Variants in TNRC6B observed in about 807,000 individuals in gnomAD.
The protein encoded by TNRC6B is trinucleotide repeat containing adaptor 6B, also known as trinucleotide repeat-containing gene 6B protein.
Under a neutral mutation model 203.6 loss-of-function variants are expected in TNRC6B, and 52 were observed. The ratio of observed to expected loss-of-function variants is 0.26; its 90% CI spans 0.20 to 0.32. The LOEUF is 0.32. Ranked by LOEUF, TNRC6B falls within the 10% of genes least tolerant of loss-of-function variation. The probability of loss-of-function intolerance (pLI) is 1.00; values close to 1 mark genes in which losing one functional copy is unlikely to be tolerated. For missense variants in TNRC6B, 1,923 were observed against 2,286.2 expected, an observed-to-expected ratio of 0.84 and a Z score of 3.24; for synonymous variants, 838 against 845.7, an observed-to-expected ratio of 0.99 and a Z score of 0.16.
At chr22:40,183,686 T>C (rs558205806) in intron 1 of TNRC6B, among the ~76,000 whole-genome samples, 1 of 152,112 alleles carries the variant, frequency 6.6e-6, no homozygotes, top group Non-Finnish European at 1.5e-5. Flanking sequence ...GACTAAATTA[T>C]TACTAGGTTG....
chr22:40,161,934 A>G (rs1426658170), intron 4 of TNRC6B, among the ~76,000 whole-genome samples: 3 of 152,210 alleles, frequency 2.0e-5, no homozygotes, highest in Non-Finnish European at 4.4e-5. Context: ...GCTTTTAAAA[A>G]AGCAGCTAAG....
chr22:40,316,203 A>C (rs1219880379), intron 21 of TNRC6B, among the ~76,000 whole-genome samples, 191 bp downstream of exon 21: 1 of 151,964 alleles, frequency 6.6e-6, no homozygotes, highest in Non-Finnish European at 1.5e-5. Context: ...AAATACAAAA[A>C]ATTAGCTGAG....
At chr22:40,303,603 G>C (rs1042934479) in intron 15 of TNRC6B, among the ~76,000 whole-genome samples, 3 of 151,990 alleles carry the variant, frequency 2.0e-5, no homozygotes, top group African/African-American at 7.3e-5. Flanking sequence ...GATGTGTTTT[G>C]TCATTTATTT....
At chr22:40,307,593 C>CGA (rs1569063659) in intron 15 of TNRC6B, among the ~76,000 whole-genome samples, 2 of 151,998 alleles carry the variant, frequency 1.3e-5, no homozygotes, top group Non-Finnish European at 2.9e-5. Context: ...GTGTGGCTTC[C>CGA]AGCTCTCCAG....
rs114008513 is a variant in TNRC6B, at chr22:40,268,046, G to A, written c.2806+1010G>A. ...GCATATAGTTCAACAAATTAAGGGGGATGCACCTTTCAGTCTTTTTTTAGT... is the reference window on the plus strand; with the variant it reads ...GCATATAGTTCAACAAATTAAGGGGAATGCACCTTTCAGTCTTTTTTTAGT... On this transcript the variant is annotated intron_variant, in intron 5 of 22. Coordinates refer to ENST00000454349, the MANE Select transcript of TNRC6B (RefSeq NM_001162501.2). 3.1e-3 allele frequency among the ~76,000 whole-genome samples: 469 copies of A among 152,238 alleles called. 2 individuals are homozygous for A. The highest frequency in any genetic ancestry group is 0.011 in the African/African-American group (453 of 41,528).
At chr22:40,295,474 CAAAAAAAA>C (rs5845457) in intron 12 of TNRC6B, among the ~76,000 whole-genome samples, 13 of 98,986 alleles carry the variant, frequency 1.3e-4, no homozygotes, top group East Asian at 2.6e-4. Context: ...ACTCCATTTC[CAAAAAAAA>C]AAAAAAAAAG....
rs183603757 is a variant in TNRC6B, at chr22:40,317,983, G to T, written c.4974+1971G>T. On this transcript the variant is annotated intron_variant, in intron 21 of 22. Transcript: ENST00000454349. Reference sequence around the variant, plus strand: ...GTCATGAGATATGATTAGGTCTCTGGCCTAATATGTTTGACATGTATACTT... The same window carrying T: ...GTCATGAGATATGATTAGGTCTCTGTCCTAATATGTTTGACATGTATACTT... Among the ~76,000 whole-genome samples the T allele has an allele frequency of 5.9e-5, 9 of 152,216 alleles. No individual in the cohort carries two copies. In the East Asian group the frequency reaches 1.7e-3, roughly 29 times the overall value.
chr22:40,103,934 C>T (rs182266790), intron 1 of TNRC6B, among the ~76,000 whole-genome samples: 157 of 150,782 alleles, frequency 1.0e-3, no homozygotes, highest in African/African-American at 3.5e-3. Context: ...TGAGCCACCG[C>T]GCCCAGCCAA....
At position 40,059,821 on chromosome 22, in the gene TNRC6B, T is replaced by G. The variant is rs1388831418; in HGVS notation, c.-121+14823T>G. Among the ~76,000 whole-genome samples, 8 of 148,232 alleles carry G rather than the reference T, an allele frequency of 5.4e-5. No homozygotes were observed. In the East Asian group the frequency reaches 7.7e-4, roughly 14 times the overall value. On this transcript the variant is annotated intron_variant, in intron 1 of 23. Transcript: ENST00000301923. ...TTGGTCATGATAGAGTTTGGTTTTT[T>G]TTTTTTTTTTTTTTCCCCCCGAGAC...
At position 40,178,093 on chromosome 22, in the gene TNRC6B, C is replaced by G. The variant is rs186783464; in HGVS notation, c.-43C>G. On this transcript the variant is annotated 5_prime_UTR_variant, in exon 1 of 23. Coordinates refer to ENST00000454349, the MANE Select transcript of TNRC6B (RefSeq NM_001162501.2). Reference sequence around the variant, plus strand: ...GACCTTTTTTCATTTCCATTTCTACCTTGTATGCCTCAATTTGCTGGATTT... The same window carrying G: ...GACCTTTTTTCATTTCCATTTCTACGTTGTATGCCTCAATTTGCTGGATTT... 6.2e-7 allele frequency: 1 copy of G among 1,608,272 alleles called. No individual in the cohort carries two copies. The highest frequency in any genetic ancestry group is 2.2e-5 in the East Asian group (1 of 44,760).
At chr22:40,127,181 A>G (rs1038302433) in intron 3 of TNRC6B, among the ~76,000 whole-genome samples, 5 of 152,044 alleles carry the variant, frequency 3.3e-5, no homozygotes, top group African/African-American at 7.2e-5. Context: ...CTCTCTGTCC[A>G]TTCAGAATTG....
chr22:40,129,491 A>C (rs2068522718), intron 3 of TNRC6B, among the ~76,000 whole-genome samples: 1 of 152,184 alleles, frequency 6.6e-6, no homozygotes, highest in Non-Finnish European at 1.5e-5. Flanking sequence ...TTTGGCGCCA[A>C]AACTGATGTG....
chr22:40,260,444 T>C (rs969397349), intron 3 of TNRC6B, among the ~76,000 whole-genome samples: 2 of 152,192 alleles, frequency 1.3e-5, no homozygotes, highest in African/African-American at 2.4e-5. Flanking sequence ...GAAGGACTTG[T>C]AAATGGAGAA....
At position 40,265,746 on chromosome 22, in the gene TNRC6B, G is replaced by A. The variant is rs1412700883; in HGVS notation, c.1516G>A (p.Val506Ile). The change falls in exon 5 of 23, where the codon GTC (valine) becomes ATC (isoleucine). Residue 506 changes from valine to isoleucine, a missense_variant. Around this residue, in one of 8 missense-constraint regions of TNRC6B, gnomAD observed 614 missense variants for 587.7 expected, o/e 1.04. Coordinates refer to ENST00000454349, the MANE Select transcript of TNRC6B (RefSeq NM_001162501.2). ...WGEGNKMTSG[V>I]SQGEWKQPTG... is the part of the protein sequence containing the mutation. Reference sequence around the variant, plus strand: ...TGAAGGGAACAAAATGACATCTGGGGTCTCTCAGGGAGAATGGAAACAGCC... The same window carrying A: ...TGAAGGGAACAAAATGACATCTGGGATCTCTCAGGGAGAATGGAAACAGCC... 1.9e-6 allele frequency: 3 copies of A among 1,613,992 alleles called. 1 individual carries two copies. In the South Asian group the frequency reaches 3.3e-5, roughly 18 times the overall value.
intron 3 of TNRC6B, among the ~76,000 whole-genome samples, chr22:40,132,969 A>AATATATAT (rs1166468730): frequency 0.018 from 1,389 of 77,922 alleles, 45 homozygotes; most frequent in African/African-American, 0.03. Context: ...AAAAAAAAAA[A>AATATATAT]ATATATATAT....
At chr22:40,096,881 A>C (rs1215981196) in intron 1 of TNRC6B, among the ~76,000 whole-genome samples, 1 of 152,244 alleles carries the variant, frequency 6.6e-6, no homozygotes. Flanking sequence ...CATTGTTCTG[A>C]AAAGAACAAG....
chr22:40,156,427 G>A lies in TNRC6B; in HGVS notation c.113+245G>A, dbSNP rs958988299. Among the ~76,000 whole-genome samples, 4 of 152,138 alleles carry A rather than the reference G, an allele frequency of 2.6e-5. No individual in the cohort carries two copies. In the East Asian group the frequency reaches 7.7e-4, roughly 29 times the overall value. On this transcript the variant is annotated intron_variant, in intron 4 of 23. Coordinates refer to the TNRC6B transcript ENST00000301923. Reference sequence around the variant, plus strand: ...AAATTTATGTTATGTTGTAGCAAAGGCTTTAAGGCTCAGTATGTTCCAAAT... The same window carrying A: ...AAATTTATGTTATGTTGTAGCAAAGACTTTAAGGCTCAGTATGTTCCAAAT...
Position 40,327,686 on chromosome 22 carries a change from A to C in TNRC6B, c.*4445A>C, listed in dbSNP as rs754232453. ...TCCGTGGTATTCTTTGGCAAGAGCC[A>C]TGTCTACTAAGAGGTTAGATGACTT... is the stretch of plus-strand genomic sequence containing the variant. On this transcript the variant is annotated 3_prime_UTR_variant, in exon 23 of 23. Transcript: ENST00000454349. 1 of 152,260 alleles carries C rather than the reference A, an allele frequency of 6.6e-6. No homozygotes were observed. The highest frequency in any genetic ancestry group is 1.5e-5 in the Non-Finnish European group (1 of 68,060). 9.4% of individuals were successfully genotyped at this position (152,260 alleles called of 1,614,324 possible).
intron 12 of TNRC6B, among the ~76,000 whole-genome samples, chr22:40,289,784 T>G (rs1301132061): frequency 6.6e-6 from 1 of 152,216 alleles, no homozygotes; most frequent in African/African-American, 2.4e-5. Context: ...ACATCATTTT[T>G]CCTCAACTCC....
Sources: gnomAD v4.1 joint callset for allele counts (sites outside exome capture counted in the v4.1 genomes callset) on GRCh38, gnomAD v4.1.1 for gene constraint, gnomAD v4.1.1 regional missense constraint, MANE v1.5 for transcripts, NCBI Gene and HGNC (gene_info 2026-07-23, HGNC 2026-07-21) for gene names.